The following AGBL4 variants were observed in gnomAD, a reference collection of about 807,000 sequenced individuals.
The protein encoded by AGBL4 is AGBL carboxypeptidase 4, also known as cytosolic carboxypeptidase 6.
In AGBL4, 58 loss-of-function variants were observed where a neutral mutation model predicts 66.4. The ratio of observed to expected loss-of-function variants is 0.87; its 90% CI spans 0.71 to 1.09. AGBL4 has a LOEUF of 1.09. AGBL4 is among the 50% of genes least tolerant of loss of function. The probability of loss-of-function intolerance (pLI) is 0.00; values close to 1 mark genes in which losing one functional copy is unlikely to be tolerated. For synonymous variants in AGBL4, 234 were observed against 222.9 expected, an observed-to-expected ratio of 1.05 and a Z score of -0.44; for missense variants, 579 against 631.0, an observed-to-expected ratio of 0.92 and a Z score of 0.88.
In AGBL4 at chr1:48,533,270, A is replaced by ATT; in HGVS notation, c.*902_*903insAA. ...TACAAAGGCACTTTACTCTTCACAA[A>ATT]AATGCCAATATTTAGCTTGCCACAC... On this transcript the variant is annotated 3_prime_UTR_variant, in exon 14 of 14. Coordinates refer to ENST00000371839, the MANE Select transcript of AGBL4 (RefSeq NM_032785.4). 6.6e-6 allele frequency: 1 copy of ATT among 152,098 alleles called. No individual in the cohort carries two copies. Among genetic ancestry groups the ATT allele is most frequent in the African/African-American group, 2.4e-5 (1 of 41,402 alleles). The allele number at this position is 152,098 out of a possible 1,614,324, so 9.4% of individuals were successfully genotyped here.
chr1:48,930,648 G>A (rs2148902299), intron 5 of AGBL4, among the ~76,000 whole-genome samples: 1 of 152,262 alleles, frequency 6.6e-6, no homozygotes. Flanking sequence ...TGTAGGATAA[G>A]GAGTTAGATG....
At chr1:49,521,000 G>T (rs1365757438) in intron 3 of AGBL4, among the ~76,000 whole-genome samples, 1 of 151,754 alleles carries the variant, frequency 6.6e-6, no homozygotes, top group Admixed American at 6.6e-5. Flanking sequence ...GTAGACACGG[G>T]GTTTCACCAT....
At chr1:48,678,094 C>T (rs2148475981) in intron 6 of AGBL4, among the ~76,000 whole-genome samples, 1 of 152,324 alleles carries the variant, frequency 6.6e-6, no homozygotes, top group East Asian at 1.9e-4. Flanking sequence ...GGGGCAGTGA[C>T]AAGCCCAGCC....
At position 48,862,076 on chromosome 1, in the gene AGBL4, A is replaced by G. The variant is rs143776308; in HGVS notation, c.634+5115T>C. ...CTCCAACAAGGAACTCCTTCCCACC[A>G]GGAGACTGCCTTGAGAGATCACAGT... On this transcript the variant is annotated intron_variant, in intron 6 of 13. Transcript: ENST00000371839. Among the ~76,000 whole-genome samples, 217 of 152,294 alleles carry G rather than the reference A, an allele frequency of 1.4e-3. 1 individual carries two copies. Among genetic ancestry groups the G allele is most frequent in the Middle Eastern group, 6.8e-3 (2 of 294 alleles).
At chr1:48,696,984 C>T (rs1238177164) in intron 6 of AGBL4, among the ~76,000 whole-genome samples, 1 of 152,178 alleles carries the variant, frequency 6.6e-6, no homozygotes, top group African/African-American at 2.4e-5. Flanking sequence ...TGTGTGCTCA[C>T]CTTCTCCCCC....
intron 6 of AGBL4, among the ~76,000 whole-genome samples, chr1:48,695,338 G>A (rs542629315): frequency 2.6e-5 from 4 of 152,124 alleles, no homozygotes; most frequent in Non-Finnish European, 4.4e-5. Flanking sequence ...AGCTGGGGCC[G>A]CACAAGCTGA....
At chr1:49,996,359 A>G (rs1283026362) in intron 1 of AGBL4, 1 of 152,214 alleles carries the variant, frequency 6.6e-6, no homozygotes, top group Non-Finnish European at 1.5e-5. Flanking sequence ...AATAGATAGC[A>G]TAAATAAAAA....
intron 3 of AGBL4, among the ~76,000 whole-genome samples, chr1:49,481,700 G>A (rs1646959386): frequency 6.6e-6 from 1 of 151,918 alleles, no homozygotes; most frequent in South Asian, 2.1e-4. Context: ...CTTGTCTTAT[G>A]CTAGTTTTCA....
chr1:49,566,412 T>C (rs1307507608), intron 3 of AGBL4, among the ~76,000 whole-genome samples: 1 of 152,194 alleles, frequency 6.6e-6, no homozygotes, highest in East Asian at 1.9e-4. Flanking sequence ...CTCTGTTTTT[T>C]CCCCATCTTT....
At chr1:49,378,732 A>G (rs1644525207) in intron 3 of AGBL4, among the ~76,000 whole-genome samples, 1 of 152,114 alleles carries the variant, frequency 6.6e-6, no homozygotes, top group African/African-American at 2.4e-5. Context: ...AAAGCCCCAG[A>G]CTGTGATGTA....
chr1:49,080,025 ACC>A (rs1644781092), intron 4 of AGBL4, among the ~76,000 whole-genome samples: 2 of 152,186 alleles, frequency 1.3e-5, no homozygotes, highest in Admixed American at 6.5e-5. Flanking sequence ...TAATTGCTTT[ACC>A]CAACTTAGCG....
At chr1:48,863,200 T>G (rs1647654996) in intron 6 of AGBL4, among the ~76,000 whole-genome samples, 1 of 151,000 alleles carries the variant, frequency 6.6e-6, no homozygotes. Flanking sequence ...TCGCAGTAAC[T>G]GTAGACTTTG....
chr1:49,584,217 G>A (rs1036256822), intron 3 of AGBL4, among the ~76,000 whole-genome samples: 4 of 152,132 alleles, frequency 2.6e-5, no homozygotes, highest in Admixed American at 1.3e-4. Context: ...TTTTATCAGG[G>A]CAGGAAGATT....
At chr1:48,834,567 A>C (rs1374086435) in intron 6 of AGBL4, among the ~76,000 whole-genome samples, 1 of 152,044 alleles carries the variant, frequency 6.6e-6, no homozygotes, top group Non-Finnish European at 1.5e-5. Flanking sequence ...AGAAAGGGAG[A>C]CCAGAAATCT....
intron 11 of AGBL4, among the ~76,000 whole-genome samples, chr1:48,579,606 T>C (rs11205509): frequency 0.62 from 93,224 of 150,462 alleles, 29,022 homozygotes; most frequent in Non-Finnish European, 0.66. Flanking sequence ...CGTATCCAAA[T>C]AATCAGCAAG....
chr1:49,739,059 G>C (rs183479994), intron 2 of AGBL4, among the ~76,000 whole-genome samples: 1 of 152,342 alleles, frequency 6.6e-6, no homozygotes, highest in East Asian at 1.9e-4. Flanking sequence ...GATGGAGAAT[G>C]ACTTTGACGA....
intron 6 of AGBL4, among the ~76,000 whole-genome samples, chr1:48,786,153 C>T (rs916017310): frequency 3.9e-5 from 6 of 152,210 alleles, no homozygotes; most frequent in African/African-American, 1.4e-4. Flanking sequence ...CTCTCAACCA[C>T]ACCAGAAAGT....
At chr1:49,916,538 A>G (rs935846495) in intron 1 of AGBL4, among the ~76,000 whole-genome samples, 1 of 152,216 alleles carries the variant, frequency 6.6e-6, no homozygotes, top group South Asian at 2.1e-4. Flanking sequence ...TAGAGAAAAA[A>G]GAGTAAAAAG....
At chr1:49,534,054 C>G (rs924327129) in intron 3 of AGBL4, among the ~76,000 whole-genome samples, 7 of 151,326 alleles carry the variant, frequency 4.6e-5, no homozygotes, top group Admixed American at 3.3e-4. Context: ...AGTATAACCA[C>G]CAATTGAATA....
Sources: allele counts gnomAD v4.1 joint callset (sites outside exome capture counted in the v4.1 genomes callset), GRCh38; gene constraint gnomAD v4.1.1; transcripts MANE v1.5; gene names NCBI Gene and HGNC (gene_info 2026-07-23, HGNC 2026-07-21).